Variants in TSPAN15 observed in about 807,000 individuals in gnomAD.
The protein encoded by TSPAN15 is tetraspanin 15.
In TSPAN15, 20 loss-of-function variants were observed where a neutral mutation model predicts 34.5. That is an observed-to-expected ratio of 0.58 (90% confidence interval 0.41 to 0.84). The LOEUF is 0.84. Ranked by LOEUF, TSPAN15 falls within the 40% of genes least tolerant of loss-of-function variation. TSPAN15 has a pLI of 0.00. For missense variants in TSPAN15, 313 were observed against 386.1 expected (o/e 0.81, Z 1.59); for synonymous variants, 155 against 153.9 (o/e 1.01, Z -0.05).
chr10:69,489,849 C>G (rs762239773), intron 3 of TSPAN15, among the ~76,000 whole-genome samples: 11 of 152,230 alleles, frequency 7.2e-5, no homozygotes, highest in Non-Finnish European at 1.6e-4. Flanking sequence ...CTGACCCCAG[C>G]CAGGGGCTGG....
chr10:69,494,630 C>G, intron 3 of TSPAN15: 1 of 985,264 alleles, frequency 1.0e-6, no homozygotes, highest in Non-Finnish European at 1.2e-6. Flanking sequence ...AGTTGGGAAG[C>G]TGAGGCCCAG....
the TSPAN15 span, among the ~76,000 whole-genome samples, chr10:69,528,815 C>T: frequency 2.7e-5 from 4 of 148,136 alleles, 1 homozygote; most frequent in Non-Finnish European, 6.0e-5. Context: ...AGCTGTTTGC[C>T]CCGTCTCATG....
chr10:69,516,451 A>C, the TSPAN15 span, among the ~76,000 whole-genome samples: 4 of 152,292 alleles, frequency 2.6e-5, no homozygotes, highest in Admixed American at 2.6e-4. Flanking sequence ...TGGCCACCAG[A>C]GGGAGGCCTC....
chr10:69,540,795 C>A, the TSPAN15 span, among the ~76,000 whole-genome samples: 3 of 152,012 alleles, frequency 2.0e-5, no homozygotes, highest in Admixed American at 1.3e-4. Context: ...GGGGTCTGGG[C>A]TCTGTAGGGA....
chr10:69,475,292 C>G (rs1009667815), intron 1 of TSPAN15, among the ~76,000 whole-genome samples: 1 of 152,150 alleles, frequency 6.6e-6, no homozygotes, highest in Non-Finnish European at 1.5e-5. Flanking sequence ...GGCTTACAGG[C>G]GTCTGAAGCC....
chr10:69,453,278 G>A (rs1841013862), intron 1 of TSPAN15, among the ~76,000 whole-genome samples: 1 of 152,054 alleles, frequency 6.6e-6, no homozygotes, highest in Non-Finnish European at 1.5e-5. Context: ...CCTGGCATAG[G>A]TATTTATTTA....
chr10:69,547,593 A>G, the TSPAN15 span, among the ~76,000 whole-genome samples: 1 of 152,202 alleles, frequency 6.6e-6, no homozygotes, highest in South Asian at 2.1e-4. Context: ...CATACAGTGC[A>G]CTTTGAAGAC....
chr10:69,490,540 G>C (rs1474517750), intron 3 of TSPAN15, among the ~76,000 whole-genome samples: 1 of 152,174 alleles, frequency 6.6e-6, no homozygotes, highest in Non-Finnish European at 1.5e-5. Context: ...GGCCAACACA[G>C]TGAAATCCTG....
chr10:69,459,125 A>AAAAAAAAAC (rs1564597485), intron 1 of TSPAN15, among the ~76,000 whole-genome samples: 1 of 63,190 alleles, frequency 1.6e-5, no homozygotes, highest in Non-Finnish European at 3.9e-5. Context: ...AAAAAAAAAA[A>AAAAAAAAAC]CAACAACAAA....
intron 1 of TSPAN15, among the ~76,000 whole-genome samples, chr10:69,460,282 C>T (rs1018709017): frequency 9.9e-5 from 15 of 152,186 alleles, no homozygotes; most frequent in African/African-American, 2.9e-4. Flanking sequence ...ACAACAGGCA[C>T]GCGGGGCCAG....
intron 1 of TSPAN15, among the ~76,000 whole-genome samples, chr10:69,466,516 T>C (rs1471865021): frequency 2.6e-5 from 4 of 152,166 alleles, no homozygotes; most frequent in Non-Finnish European, 5.9e-5. Context: ...TGTGATTGTG[T>C]AGATCTTGAT....
At chr10:69,460,573 C>T (rs1301875704) in intron 1 of TSPAN15, among the ~76,000 whole-genome samples, 1 of 151,570 alleles carries the variant, frequency 6.6e-6, no homozygotes, top group Admixed American at 6.6e-5. Flanking sequence ...CCCAAGGGGT[C>T]AGACCAGCTG....
chr10:69,507,971 G>A (rs1219353348), downstream of TSPAN15, among the ~76,000 whole-genome samples: 1 of 152,126 alleles, frequency 6.6e-6, no homozygotes, highest in Non-Finnish European at 1.5e-5. Context: ...CACCTACCGC[G>A]CTCCCTGCAG....
chr10:69,518,123 C>T, the TSPAN15 span, among the ~76,000 whole-genome samples: 32 of 152,262 alleles, frequency 2.1e-4, no homozygotes, highest in African/African-American at 7.5e-4. Flanking sequence ...AAGGACAATC[C>T]GTGGTAGGAG....
chr10:69,495,761 A>G, intron 4 of TSPAN15, 72 bp downstream of exon 4: 14 of 1,092,186 alleles, frequency 1.3e-5, no homozygotes, highest in Non-Finnish European at 2.0e-5. Context: ...CCTGCTCAAG[A>G]AGATGGGGTG....
At chr10:69,541,048 T>C in the TSPAN15 span, among the ~76,000 whole-genome samples, 1 of 152,284 alleles carries the variant, frequency 6.6e-6, no homozygotes, top group Admixed American at 6.5e-5. Flanking sequence ...AGGTGAATTT[T>C]CCTCAGGATG....
At chr10:69,517,296 T>C in the TSPAN15 span, among the ~76,000 whole-genome samples, 1 of 152,024 alleles carries the variant, frequency 6.6e-6, no homozygotes, top group Non-Finnish European at 1.5e-5. Flanking sequence ...AAATAGAAAA[T>C]ATCCACATCA....
At chr10:69,491,355 C>T (rs889937613) in intron 3 of TSPAN15, among the ~76,000 whole-genome samples, 1 of 152,166 alleles carries the variant, frequency 6.6e-6, no homozygotes, top group Non-Finnish European at 1.5e-5. Flanking sequence ...GGGCCAAGCA[C>T]CTCTCCTCCA....
chr10:69,526,445 G>T, the TSPAN15 span, among the ~76,000 whole-genome samples: 2 of 148,238 alleles, frequency 1.3e-5, 1 homozygote, highest in Non-Finnish European at 3.0e-5. Flanking sequence ...TCAGAGAAAT[G>T]CAAATTAAAA....
Sources: allele counts gnomAD v4.1 joint callset (sites outside exome capture counted in the v4.1 genomes callset), GRCh38; gene constraint gnomAD v4.1.1; transcripts MANE v1.5; gene names NCBI Gene and HGNC (gene_info 2026-07-23, HGNC 2026-07-21).